Variants in SASH1 observed in about 807,000 individuals in gnomAD.
The protein encoded by SASH1 is SAM and SH3 domain-containing protein 1.
A neutral mutation model predicts 125.2 loss-of-function variants in SASH1; 44 were observed. That is an observed-to-expected ratio of 0.35 (90% CI 0.28 to 0.45). The LOEUF (loss-of-function observed/expected upper bound fraction) is 0.45. Among genes scored for constraint, SASH1 ranks in the 20% least tolerant of loss-of-function variants. The pLI is 1.00. For missense variants in SASH1, 1,426 were observed against 1,614.5 expected, an observed-to-expected ratio of 0.88 and a Z score of 2.00; for synonymous variants, 639 against 649.1, an observed-to-expected ratio of 0.98 and a Z score of 0.24.
At chr6:148,323,945 C>A (rs187500155) in intron 1 of SASH1, among the ~76,000 whole-genome samples, 1 of 151,574 alleles carries the variant, frequency 6.6e-6, no homozygotes, top group Non-Finnish European at 1.5e-5. Flanking sequence ...GCCAACATGA[C>A]GAAACTCTGT....
intron 1 of SASH1, among the ~76,000 whole-genome samples, chr6:148,282,621 C>A (rs1779371694): frequency 1.3e-5 from 2 of 151,882 alleles, no homozygotes; most frequent in Non-Finnish European, 2.9e-5. Context: ...ACCTTGTGAT[C>A]CCCCCGCCTC....
intron 1 of SASH1, among the ~76,000 whole-genome samples, chr6:148,279,402 C>A (rs1779276243): frequency 6.6e-6 from 1 of 152,176 alleles, no homozygotes; most frequent in East Asian, 1.9e-4. Flanking sequence ...TAATGCCTAG[C>A]ACATAGTGGA....
chr6:148,344,909 C>T (rs568948633), intron 1 of SASH1, among the ~76,000 whole-genome samples: 2 of 152,246 alleles, frequency 1.3e-5, no homozygotes, highest in African/African-American at 2.4e-5. Context: ...GCGCGCAACA[C>T]CACACCCGGC....
At chr6:148,455,384 G>T (rs970683619) in intron 4 of SASH1, among the ~76,000 whole-genome samples, 7 of 152,220 alleles carry the variant, frequency 4.6e-5, no homozygotes, top group Admixed American at 4.6e-4. Context: ...GGGCTGTTCA[G>T]CTGATGTGGG....
chr6:148,280,067 ATCATTCCCCC>A (rs1562303269), intron 1 of SASH1, among the ~76,000 whole-genome samples: 4 of 69,822 alleles, frequency 5.7e-5, no homozygotes, highest in African/African-American at 1.1e-4. Context: ...ATTCCCCCCC[ATCATTCCCCC>A]CCGACATAAC....
intron 1 of SASH1, among the ~76,000 whole-genome samples, chr6:148,353,110 G>T (rs540932230): frequency 2.0e-5 from 3 of 151,100 alleles, no homozygotes; most frequent in South Asian, 2.1e-4. Context: ...CCTGTGTCAC[G>T]CAGGCTGGAG....
the SASH1 span, among the ~76,000 whole-genome samples, chr6:148,215,109 C>T: frequency 1.3e-5 from 2 of 152,180 alleles, no homozygotes; most frequent in African/African-American, 4.8e-5. Context: ...TCACTTGGCC[C>T]TGCAGAGAGT....
At chr6:148,352,272 C>A (rs535209019) in intron 1 of SASH1, among the ~76,000 whole-genome samples, 8 of 152,262 alleles carry the variant, frequency 5.3e-5, no homozygotes, top group African/African-American at 1.9e-4. Flanking sequence ...CAGTCACCAA[C>A]ATCATTGGGT....
At chr6:148,349,241 CTTCTTTCTTTCTTTT>C (rs1781623296) in intron 1 of SASH1, among the ~76,000 whole-genome samples, 5 of 87,102 alleles carry the variant, frequency 5.7e-5, no homozygotes, top group Non-Finnish European at 8.8e-5. Context: ...TTCATTCTTT[CTTCTTTCTTTCTTTT>C]TTTTTTTTTT....
intron 1 of SASH1, among the ~76,000 whole-genome samples, chr6:148,358,212 C>G (rs1782022150): frequency 6.6e-6 from 1 of 151,950 alleles, no homozygotes; most frequent in Non-Finnish European, 1.5e-5. Context: ...TGAGTATGTT[C>G]TATTTCAAGT....
chr6:148,507,979 T>C (rs958818841), intron 8 of SASH1, among the ~76,000 whole-genome samples: 2 of 152,202 alleles, frequency 1.3e-5, no homozygotes, highest in Non-Finnish European at 2.9e-5. Context: ...TGATGTTCTT[T>C]TTAAGTAACA....
Position 148,549,065 on chromosome 6 carries a change from GA to G in SASH1, c.*524del, listed in dbSNP as rs5880793. ...AAGTTAGAACATCTGGCTGCACCAG[GA>G]AAAAAAAAAAAAAAAAGTCCTGTTC... On this transcript the variant is annotated 3_prime_UTR_variant, in exon 20 of 20. Coordinates refer to ENST00000367467, the MANE Select transcript of SASH1 (RefSeq NM_015278.5). 0.25 allele frequency: 32,543 copies of G among 130,080 alleles called. 3,542 individuals are homozygous for G. The highest frequency in any genetic ancestry group is 0.28 in the Non-Finnish European group (17,109 of 60,372). The allele number at this position is 130,080 out of a possible 1,614,324, so 8.1% of individuals were successfully genotyped here.
chr6:148,391,961 G>A (rs1783744677), intron 2 of SASH1, among the ~76,000 whole-genome samples: 1 of 152,166 alleles, frequency 6.6e-6, no homozygotes. Context: ...TATGTTTTAA[G>A]TAACAGAGTT....
At chr6:148,370,747 C>T (rs181226518) in intron 1 of SASH1, among the ~76,000 whole-genome samples, 133 of 150,992 alleles carry the variant, frequency 8.8e-4, no homozygotes, top group African/African-American at 1.3e-3. Flanking sequence ...GAAGTGAACC[C>T]GGGAGGCGGA....
chr6:148,320,774 G>A (rs993122073), intron 1 of SASH1, among the ~76,000 whole-genome samples: 6 of 152,242 alleles, frequency 3.9e-5, no homozygotes, highest in East Asian at 3.9e-4. Flanking sequence ...GTGAGCCACC[G>A]TACCCAGACT....
At chr6:148,269,014 C>T (rs1404227760), upstream of SASH1, among the ~76,000 whole-genome samples, 3 of 152,150 alleles carry the variant, frequency 2.0e-5, no homozygotes, top group African/African-American at 7.2e-5. Context: ...TTCACCATGC[C>T]CATTTCTTAG....
At chr6:148,480,542 A>G (rs1778573172) in intron 7 of SASH1, 1 of 152,158 alleles carries the variant, frequency 6.6e-6, no homozygotes, top group African/African-American at 2.4e-5. Context: ...CTGATCAGTG[A>G]TTACAGGACA....
Position 148,468,069 on chromosome 6 carries a change from A to G in SASH1, c.387-476A>G, listed in dbSNP as rs555636556. ...CCGCCCCCTTTATTAGGGACACTCA[A>G]TATCCTGTTGTGGGTGTCTCACCCG... On this transcript the variant is annotated intron_variant, in intron 4 of 19. Coordinates refer to ENST00000367467, the MANE Select transcript of SASH1 (RefSeq NM_015278.5). Among the ~76,000 whole-genome samples the G allele has an allele frequency of 3.3e-5, 5 of 152,278 alleles. No individual in the cohort carries two copies. In the East Asian group the frequency reaches 9.6e-4, roughly 29 times the overall value.
At chr6:148,535,028 A>G in intron 16 of SASH1, 127 bp downstream of exon 16, 1 of 1,115,616 alleles carries the variant, frequency 9.0e-7, no homozygotes, top group South Asian at 1.5e-5. Context: ...TTACAAGAGT[A>G]TGACAGTAAG....
Sources: allele counts gnomAD v4.1 joint callset (sites outside exome capture counted in the v4.1 genomes callset), GRCh38; gene constraint gnomAD v4.1.1; transcripts MANE v1.5; gene names NCBI Gene and HGNC (gene_info 2026-07-23, HGNC 2026-07-21).